TXK: variants seen among roughly 807,000 people sequenced by gnomAD.
TXK encodes TXK tyrosine kinase.
TXK carries 60 observed loss-of-function variants against 81.0 expected under a neutral mutation model. The observed-to-expected ratio is 0.74, with a 90% CI of 0.60 to 0.92. TXK has a LOEUF of 0.92. Ranked by LOEUF, TXK falls within the 40% of genes least tolerant of loss-of-function variation. The pLI, the probability that TXK is intolerant of heterozygous loss-of-function variation, is 0.00. For missense variants in TXK, 581 were observed against 638.3 expected, an observed-to-expected ratio of 0.91 and a Z score of 0.97; for synonymous variants, 203 against 210.7, an observed-to-expected ratio of 0.96 and a Z score of 0.32.
At chr4:48,075,939 T>C (rs995714224) in intron 12 of TXK, among the ~76,000 whole-genome samples, 3 of 152,184 alleles carry the variant, frequency 2.0e-5, no homozygotes, top group African/African-American at 7.2e-5. Flanking sequence ...ATTTAAACTA[T>C]ATTGAGTTGT....
chr4:48,110,573 C>T lies in TXK; in HGVS notation c.411G>A (p.Val137=). The T allele has an allele frequency of 6.2e-7, 1 of 1,612,046 alleles. No individual in the cohort carries two copies. Among genetic ancestry groups the T allele is most frequent in the Non-Finnish European group, 8.5e-7 (1 of 1,178,710 alleles). ...GNEGLIPSNY[V]TENKITNLEI... ...CTAAATTAGTTATTTTGTTTTCAGT[C>T]ACATAGTTGCTTGGGATTAAGCCTT... Residue 137 remains valine, a synonymous_variant, in exon 5 of 15, where the codon GTG becomes GTA. Transcript: ENST00000264316.
intron 8 of TXK, among the ~76,000 whole-genome samples, chr4:48,091,929 G>A (rs920614727): frequency 6.6e-6 from 1 of 152,234 alleles, no homozygotes; most frequent in African/African-American, 2.4e-5. Context: ...GATCAGGGCA[G>A]CACTAGAAGG....
At chr4:48,105,244 G>T (rs899613652) in intron 5 of TXK, among the ~76,000 whole-genome samples, 12 of 151,966 alleles carry the variant, frequency 7.9e-5, no homozygotes, top group Non-Finnish European at 1.5e-4. Flanking sequence ...TCCATGAAAG[G>T]TATGTGGTAA....
chr4:48,080,504 A>T (rs1051754518), intron 10 of TXK, among the ~76,000 whole-genome samples: 5 of 152,128 alleles, frequency 3.3e-5, no homozygotes, highest in Non-Finnish European at 7.4e-5. Context: ...AGCTGTCCAG[A>T]TGAAAAATTC....
Position 48,071,637 on chromosome 4 carries a change from C to G in TXK, c.1395G>C (p.Met465Ile). ...LMWEVFTEGK[M>I]PFENKSNLQV... ...GCAAATTTGACTTATTTTCAAAAGGCATTTTTCCTTCTGTAAAAACTTCCC... is the reference window on the plus strand; with the variant it reads ...GCAAATTTGACTTATTTTCAAAAGGGATTTTTCCTTCTGTAAAAACTTCCC... The change falls in exon 14 of 15, where the codon ATG becomes ATC. Residue 465 changes from methionine (M) to isoleucine (I), a missense_variant. Transcript: ENST00000264316. 1 of 1,614,130 alleles carries G rather than the reference C, an allele frequency of 6.2e-7. No homozygotes were observed.
chr4:48,084,933 T>A (rs955179857), intron 10 of TXK, among the ~76,000 whole-genome samples: 1 of 152,080 alleles, frequency 6.6e-6, no homozygotes, highest in South Asian at 2.1e-4. Context: ...CACCTCTGAT[T>A]GTTGTTTGCT....
chr4:48,126,556 A>C (rs1719096108), intron 1 of TXK, among the ~76,000 whole-genome samples: 1 of 152,194 alleles, frequency 6.6e-6, no homozygotes, highest in Non-Finnish European at 1.5e-5. Context: ...GCTGGAGTGC[A>C]GTGGCATGAT....
chr4:48,081,764 T>C (rs1429459346), intron 10 of TXK, among the ~76,000 whole-genome samples: 1 of 152,132 alleles, frequency 6.6e-6, no homozygotes, highest in Non-Finnish European at 1.5e-5. Flanking sequence ...TCACACCTAA[T>C]AAATAACAGG....
intron 7 of TXK, 144 bp from the exon 8 acceptor site, chr4:48,094,348 C>T (rs777207875): frequency 4.6e-6 from 4 of 862,036 alleles, no homozygotes; most frequent in African/African-American, 1.7e-5. Flanking sequence ...TCAACAAGTG[C>T]CCCCCCATGC....
At chr4:48,121,943 T>G (rs1718973983) in intron 1 of TXK, among the ~76,000 whole-genome samples, 2 of 152,166 alleles carry the variant, frequency 1.3e-5, no homozygotes, top group African/African-American at 4.8e-5. Context: ...TTGATATATA[T>G]ATTTCAACAC....
intron 8 of TXK, among the ~76,000 whole-genome samples, chr4:48,091,510 C>CTT (rs536973592): frequency 6.9e-6 from 1 of 145,078 alleles, no homozygotes. Context: ...TTTTTCTTTT[C>CTT]TTTTTTTTTT....
intron 12 of TXK, among the ~76,000 whole-genome samples, chr4:48,075,996 A>G (rs986835272): frequency 6.6e-6 from 1 of 152,218 alleles, no homozygotes; most frequent in Non-Finnish European, 1.5e-5. Context: ...TTAGACTTAA[A>G]GTCAACTACT....
chr4:48,121,362 A>T (rs1215887384), intron 1 of TXK, among the ~76,000 whole-genome samples: 1 of 152,176 alleles, frequency 6.6e-6, no homozygotes, highest in Non-Finnish European at 1.5e-5. Context: ...CCGTCTTTCC[A>T]GTTGCTCAGG....
At chr4:48,090,620 G>A (rs924245484) in intron 8 of TXK, among the ~76,000 whole-genome samples, 4 of 152,154 alleles carry the variant, frequency 2.6e-5, no homozygotes, top group East Asian at 3.9e-4. Flanking sequence ...CCTGGTATGC[G>A]CTTTCAATAA....
chr4:48,110,071 C>A (rs1194239272), intron 5 of TXK, among the ~76,000 whole-genome samples: 2 of 152,202 alleles, frequency 1.3e-5, no homozygotes. Flanking sequence ...GTAATTGTAA[C>A]AAAAATAGAT....
intron 10 of TXK, among the ~76,000 whole-genome samples, chr4:48,082,905 A>C (rs1391132054): frequency 6.6e-6 from 1 of 152,132 alleles, no homozygotes; most frequent in East Asian, 1.9e-4. Flanking sequence ...CTACCCCATC[A>C]TCCCCTGTCC....
chr4:48,071,804 A>C, intron 13 of TXK, 130 bp from the exon 14 acceptor site: 1 of 1,004,956 alleles, frequency 1.0e-6, no homozygotes, highest in African/African-American at 1.6e-5. Flanking sequence ...CCTGAATAAC[A>C]GCGGTTCTGT....
intron 12 of TXK, among the ~76,000 whole-genome samples, chr4:48,074,943 A>C (rs544411010): frequency 6.6e-6 from 1 of 152,334 alleles, no homozygotes; most frequent in Admixed American, 6.5e-5. Flanking sequence ...CAGAGAAGAA[A>C]GATTGAGTTA....
intron 6 of TXK, among the ~76,000 whole-genome samples, chr4:48,101,016 C>A (rs1168044359): frequency 6.6e-6 from 1 of 151,848 alleles, no homozygotes; most frequent in Non-Finnish European, 1.5e-5. Flanking sequence ...TATTAAATAT[C>A]TTGGAAAGGA....
Sources: allele counts gnomAD v4.1 joint callset (sites outside exome capture counted in the v4.1 genomes callset), GRCh38; gene constraint gnomAD v4.1.1; transcripts MANE v1.5; gene names NCBI Gene and HGNC (gene_info 2026-07-23, HGNC 2026-07-21).